Variants in JAZF1 observed in about 807,000 individuals in gnomAD.
JAZF1 encodes juxtaposed with another zinc finger protein 1.
In JAZF1, 8 loss-of-function variants were observed where a neutral mutation model predicts 26.4. The observed-to-expected ratio is 0.30, with a 90% confidence interval of 0.18 to 0.55. The LOEUF (loss-of-function observed/expected upper bound fraction) is 0.55. Among genes scored for constraint, JAZF1 ranks in the 20% least tolerant of loss-of-function variants. The probability of loss-of-function intolerance (pLI) is 0.94; values close to 1 mark genes in which losing one functional copy is unlikely to be tolerated. For missense variants in JAZF1, 199 were observed against 322.0 expected (o/e 0.62, Z 2.92); for synonymous variants, 126 against 122.3 (o/e 1.03, Z -0.20).
chr7:28,039,846 G>C (rs1232927707), intron 1 of JAZF1, among the ~76,000 whole-genome samples: 1 of 152,152 alleles, frequency 6.6e-6, no homozygotes, highest in Non-Finnish European at 1.5e-5. Context: ...GTGGGGAAAG[G>C]GTGGCAGTTT....
intron 1 of JAZF1, among the ~76,000 whole-genome samples, chr7:28,023,155 T>C (rs1268361120): frequency 6.6e-6 from 1 of 152,178 alleles, no homozygotes; most frequent in Non-Finnish European, 1.5e-5. Context: ...TACCATGGCC[T>C]AGAATGGCCT....
chr7:27,893,174 TAAAG>T (rs1308308257), intron 3 of JAZF1, among the ~76,000 whole-genome samples: 1 of 152,196 alleles, frequency 6.6e-6, no homozygotes, highest in African/African-American at 2.4e-5. Flanking sequence ...AGCCCCGAAT[TAAAG>T]AAATCCATTT....
At chr7:28,155,095 TCAG>T (rs1783161994) in intron 1 of JAZF1, among the ~76,000 whole-genome samples, 2 of 152,084 alleles carry the variant, frequency 1.3e-5, no homozygotes, top group Non-Finnish European at 2.9e-5. Flanking sequence ...TGCAATCACA[TCAG>T]TCACTAATGA....
At chr7:27,974,332 G>A (rs935693258) in intron 2 of JAZF1, among the ~76,000 whole-genome samples, 6 of 152,274 alleles carry the variant, frequency 3.9e-5, no homozygotes, top group Admixed American at 3.3e-4. Flanking sequence ...AGAGGCCACC[G>A]CTTTTATGGC....
chr7:27,939,631 G>A (rs1272287260), intron 2 of JAZF1, among the ~76,000 whole-genome samples: 1 of 152,208 alleles, frequency 6.6e-6, no homozygotes, highest in Non-Finnish European at 1.5e-5. Flanking sequence ...AGCCAGTGTA[G>A]GGAAGAAATG....
intron 1 of JAZF1, among the ~76,000 whole-genome samples, chr7:28,120,501 C>CTTTTTTTTGTTTTTTTTTTTT (rs1782582680): frequency 1.7e-5 from 1 of 59,004 alleles, no homozygotes; most frequent in Non-Finnish European, 2.8e-5. Context: ...ACACACAGTT[C>CTTTTTTTTGTTTTTTTTTTTT]TTTTTTTTTT....
At chr7:27,959,399 T>C (rs1021581885) in intron 2 of JAZF1, among the ~76,000 whole-genome samples, 1 of 152,256 alleles carries the variant, frequency 6.6e-6, no homozygotes, top group Non-Finnish European at 1.5e-5. Context: ...TATGAAGTTA[T>C]AGCACTGATC....
chr7:28,130,365 A>C (rs1365544512), intron 1 of JAZF1, among the ~76,000 whole-genome samples: 3 of 152,226 alleles, frequency 2.0e-5, no homozygotes, highest in Non-Finnish European at 4.4e-5. Flanking sequence ...GAGAGTCTAT[A>C]AACTAATTCT....
chr7:28,065,329 C>T (rs1252202029), intron 1 of JAZF1, among the ~76,000 whole-genome samples: 3 of 150,816 alleles, frequency 2.0e-5, no homozygotes, highest in African/African-American at 4.9e-5. Flanking sequence ...AGCGGGGAGG[C>T]GCCTCAAGAG....
At chr7:28,005,884 A>T (rs1782692222) in intron 1 of JAZF1, among the ~76,000 whole-genome samples, 1 of 31,124 alleles carries the variant, frequency 3.2e-5, no homozygotes. Flanking sequence ...CTGTTGCTTA[A>T]AAAAAAAAAA....
intron 1 of JAZF1, among the ~76,000 whole-genome samples, chr7:28,017,585 C>T (rs1327201368): frequency 5.3e-5 from 8 of 152,136 alleles, no homozygotes; most frequent in South Asian, 4.1e-4. Flanking sequence ...TGAATTAATC[C>T]ATGTGGAACT....
chr7:27,950,102 G>A (rs372401913), intron 2 of JAZF1, among the ~76,000 whole-genome samples: 16 of 152,242 alleles, frequency 1.1e-4, no homozygotes, highest in Non-Finnish European at 1.9e-4. Context: ...GCTTTGCACC[G>A]GTTAACATTT....
At chr7:28,047,853 G>C (rs1783523499) in intron 1 of JAZF1, among the ~76,000 whole-genome samples, 1 of 151,998 alleles carries the variant, frequency 6.6e-6, no homozygotes. Flanking sequence ...TGCTGTACTT[G>C]GTTTACACTT....
At chr7:27,964,256 A>G (rs1785234833) in intron 2 of JAZF1, among the ~76,000 whole-genome samples, 1 of 152,000 alleles carries the variant, frequency 6.6e-6, no homozygotes, top group Non-Finnish European at 1.5e-5. Context: ...TAAAGGGAAA[A>G]AGATCCATTA....
At chr7:27,842,321 T>C (rs1782938214) in intron 3 of JAZF1, 1 of 152,224 alleles carries the variant, frequency 6.6e-6, no homozygotes, top group Non-Finnish European at 1.5e-5. Flanking sequence ...GCGCATGTGT[T>C]CTGAACTCAC....
Position 27,830,906 on chromosome 7 carries a change from ATTTTATGACTG to A in JAZF1, c.*1883_*1893del. On this transcript the variant is annotated 3_prime_UTR_variant, in exon 5 of 5. Transcript: ENST00000283928. Reference sequence around the variant, plus strand: ...AAGAAATTTAACATGCACAATGACTATTTTATGACTGTTTAGCTGTTGAACTACTGATCCAG... The same window carrying A: ...AAGAAATTTAACATGCACAATGACTATTTAGCTGTTGAACTACTGATCCAG... 4.6e-6 allele frequency: 1 copy of A among 215,908 alleles called. No homozygotes were observed. The highest frequency in any genetic ancestry group is 9.4e-6 in the Non-Finnish European group (1 of 106,822). 13.4% of individuals were successfully genotyped at this position (215,908 alleles called of 1,614,324 possible). A position where few individuals can be genotyped will look rare whatever the true frequency, so the allele number is the denominator to read the frequency against.
intron 1 of JAZF1, among the ~76,000 whole-genome samples, chr7:28,159,187 C>T (rs1783239300): frequency 6.6e-6 from 1 of 151,898 alleles, no homozygotes; most frequent in Admixed American, 6.6e-5. Context: ...GAGAGAAAGC[C>T]TCCGAATAGA....
chr7:27,955,944 C>A (rs1470275807), intron 2 of JAZF1, among the ~76,000 whole-genome samples: 1 of 152,172 alleles, frequency 6.6e-6, no homozygotes, highest in Non-Finnish European at 1.5e-5. Flanking sequence ...ACCACAGACT[C>A]CTTCTTTGGA....
chr7:28,137,818 T>C (rs1782908369), intron 1 of JAZF1, among the ~76,000 whole-genome samples: 1 of 152,086 alleles, frequency 6.6e-6, no homozygotes, highest in African/African-American at 2.4e-5. Flanking sequence ...CCAACGTGAG[T>C]GGTACTTAGA....
Sources: allele counts gnomAD v4.1 joint callset (sites outside exome capture counted in the v4.1 genomes callset), GRCh38; gene constraint gnomAD v4.1.1; transcripts MANE v1.5; gene names NCBI Gene and HGNC (gene_info 2026-07-23, HGNC 2026-07-21).